Variants in SPIDR observed in about 807,000 individuals in gnomAD.
The protein encoded by SPIDR is DNA repair-scaffolding protein.
In SPIDR, 93 loss-of-function variants were observed where a neutral mutation model predicts 104.6. The ratio of observed to expected loss-of-function variants is 0.89; its 90% CI spans 0.75 to 1.06. The LOEUF is 1.06. Ranked by LOEUF, SPIDR falls within the 50% of genes least tolerant of loss-of-function variation. The pLI is 0.00. For missense variants in SPIDR, 1,154 were observed against 1,111.2 expected (o/e 1.04, Z -0.55); for synonymous variants, 431 against 416.9 (o/e 1.03, Z -0.41).
intron 5 of SPIDR, among the ~76,000 whole-genome samples, chr8:47,341,640 C>T (rs1293049841): frequency 1.3e-5 from 2 of 152,174 alleles, no homozygotes; most frequent in Non-Finnish European, 2.9e-5. Context: ...ATCTCCACCC[C>T]TGTGTTTGCT....
chr8:47,461,178 T>C (rs1466937871), intron 8 of SPIDR, among the ~76,000 whole-genome samples: 1 of 152,236 alleles, frequency 6.6e-6, no homozygotes, highest in Admixed American at 6.5e-5. Context: ...GTTCTTGTAT[T>C]TGGATGTCTA....
chr8:47,473,758 C>T (rs1157695884), intron 8 of SPIDR, among the ~76,000 whole-genome samples: 1 of 152,120 alleles, frequency 6.6e-6, no homozygotes, highest in Non-Finnish European at 1.5e-5. Flanking sequence ...GCCATATAGT[C>T]TTCATGTTTT....
chr8:47,369,438 T>C (rs781978730), intron 5 of SPIDR, among the ~76,000 whole-genome samples: 6 of 152,228 alleles, frequency 3.9e-5, no homozygotes, highest in Non-Finnish European at 8.8e-5. Flanking sequence ...TTGAGACACT[T>C]AATTCTCCCT....
chr8:47,400,580 G>A (rs1047370056), intron 6 of SPIDR, among the ~76,000 whole-genome samples: 4 of 151,984 alleles, frequency 2.6e-5, no homozygotes, highest in African/African-American at 9.7e-5. Flanking sequence ...GAGAGAGGTA[G>A]TTGACATTTG....
chr8:47,429,456 T>C (rs2066966952), intron 7 of SPIDR, among the ~76,000 whole-genome samples: 2 of 152,252 alleles, frequency 1.3e-5, no homozygotes, highest in South Asian at 4.1e-4. Context: ...ACATGCACTT[T>C]TATCTCTTAA....
chr8:47,659,675 G>C, intron 10 of SPIDR: 1 of 981,288 alleles, frequency 1.0e-6, no homozygotes, highest in Non-Finnish European at 1.2e-6. Context: ...TTTCTCAGCG[G>C]CTCCCTTGCG....
intron 13 of SPIDR, 45 bp from the exon 14 acceptor site, chr8:47,701,911 G>T (rs1026342421): frequency 6.2e-7 from 1 of 1,614,150 alleles, no homozygotes; most frequent in Non-Finnish European, 8.5e-7. Flanking sequence ...GGCCACGTCT[G>T]TGTGCTTCGT....
chr8:47,710,192 T>A (rs989864582), intron 14 of SPIDR, among the ~76,000 whole-genome samples: 7 of 152,188 alleles, frequency 4.6e-5, no homozygotes, highest in Non-Finnish European at 1.0e-4. Flanking sequence ...TTAATAAAAT[T>A]TTAGCAGTGT....
At chr8:47,498,152 A>G (rs1466747243) in intron 8 of SPIDR, among the ~76,000 whole-genome samples, 2 of 152,194 alleles carry the variant, frequency 1.3e-5, no homozygotes, top group Non-Finnish European at 2.9e-5. Flanking sequence ...TTTTCTTATA[A>G]GACTGGAGGA....
intron 11 of SPIDR, 121 bp from the exon 12 acceptor site, chr8:47,700,282 T>A: frequency 4.9e-6 from 5 of 1,018,126 alleles, no homozygotes; most frequent in Non-Finnish European, 7.8e-6. Flanking sequence ...TCGCCACACA[T>A]CTCGAATTGT....
intron 8 of SPIDR, among the ~76,000 whole-genome samples, chr8:47,540,145 AC>A (rs1407176143): frequency 6.6e-6 from 1 of 152,176 alleles, no homozygotes; most frequent in Non-Finnish European, 1.5e-5. Context: ...AATCCTAAAC[AC>A]TTTTTTGAAT....
At position 47,290,903 on chromosome 8, in the gene SPIDR, T is replaced by G. The variant is rs2039797566; in HGVS notation, c.257-130T>G. The G allele has an allele frequency of 2.9e-5, 16 of 555,084 alleles. 1 individual carries two copies. The East Asian group carries it at 4.6e-4, about 16-fold the overall frequency. 34.4% of individuals were successfully genotyped at this position (555,084 alleles called of 1,614,324 possible). ...GAACTTTAGGTAGGAAGATTTGACA[T>G]AGACATTGCTTTTCCTATCACAGAG... On this transcript the variant is annotated intron_variant, in intron 3 of 19. Coordinates refer to ENST00000297423, the MANE Select transcript of SPIDR (RefSeq NM_001080394.4).
At chr8:47,387,532 TG>T (rs1474852464) in intron 5 of SPIDR, among the ~76,000 whole-genome samples, 3 of 152,150 alleles carry the variant, frequency 2.0e-5, no homozygotes, top group African/African-American at 2.4e-5. Flanking sequence ...AGTCATGAAT[TG>T]AATATCAAGG....
intron 10 of SPIDR, among the ~76,000 whole-genome samples, chr8:47,657,329 A>C (rs552718072): frequency 6.6e-6 from 1 of 152,218 alleles, no homozygotes; most frequent in African/African-American, 2.4e-5. Context: ...GGATGATTCA[A>C]TTTTTGTAAC....
intron 5 of SPIDR, among the ~76,000 whole-genome samples, chr8:47,360,057 A>G (rs1554628835): frequency 6.6e-6 from 1 of 152,040 alleles, no homozygotes; most frequent in African/African-American, 2.4e-5. Context: ...CCTGGCTAAC[A>G]TGATGAAAGC....
intron 1 of SPIDR, 99 bp downstream of exon 1, chr8:47,261,090 G>C: frequency 8.4e-7 from 1 of 1,195,728 alleles, no homozygotes. Context: ...GGGTGAGAGA[G>C]GGTGGGCGTT....
At chr8:47,569,813 A>G (rs1326766423) in intron 8 of SPIDR, among the ~76,000 whole-genome samples, 2 of 152,224 alleles carry the variant, frequency 1.3e-5, no homozygotes. Context: ...CAAGGTCAGT[A>G]TAGAAAAATC....
intron 10 of SPIDR, among the ~76,000 whole-genome samples, chr8:47,622,125 G>A (rs565203717): frequency 1.2e-4 from 18 of 152,210 alleles, no homozygotes; most frequent in African/African-American, 3.9e-4. Flanking sequence ...AGGGCGAGGT[G>A]CTCAGCCCTG....
In SPIDR at chr8:47,448,892, T is replaced by C. The variant is rs146202971; in HGVS notation, c.1097+8350T>C. ...ACGTATGCAGGGGTATATGTAGTGC[T>C]TTGTGTACGAAGTAGAAATTCCAAG... is the stretch of plus-strand genomic sequence containing the variant. On this transcript the variant is annotated intron_variant, in intron 8 of 19. Coordinates refer to ENST00000297423, the MANE Select transcript of SPIDR (RefSeq NM_001080394.4). Among the ~76,000 whole-genome samples, 599 of 152,254 alleles carry C rather than the reference T, an allele frequency of 3.9e-3. 3 individuals carry two copies. Among genetic ancestry groups the C allele is most frequent in the South Asian group, 0.022 (108 of 4,818 alleles).
Sources: gnomAD v4.1 joint callset for allele counts (sites outside exome capture counted in the v4.1 genomes callset) on GRCh38, gnomAD v4.1.1 for gene constraint, MANE v1.5 for transcripts, NCBI Gene and HGNC (gene_info 2026-07-23, HGNC 2026-07-21) for gene names.